The following GPC3 variants were observed in gnomAD, a reference collection of about 807,000 sequenced individuals.
The protein encoded by GPC3 is glypican-3.
GPC3 carries 3 observed loss-of-function variants against 34.4 expected under a neutral mutation model. That is an observed-to-expected ratio of 0.09 (90% CI 0.04 to 0.23). GPC3 has a LOEUF of 0.23. GPC3 is among the 10% of genes least tolerant of loss of function. GPC3 has a pLI of 1.00. For missense variants in GPC3, 351 were observed against 445.6 expected, an observed-to-expected ratio of 0.79 and a Z score of 1.91; for synonymous variants, 177 against 174.0, an observed-to-expected ratio of 1.02 and a Z score of -0.13.
chrX:133,672,282 C>T (rs1033830368), intron 5 of GPC3, among the ~76,000 whole-genome samples: 43 of 111,630 alleles, frequency 3.9e-4, no homozygotes, highest in African/African-American at 1.3e-3. Flanking sequence ...TAAATAAGCA[C>T]AGCAAAAGTG....
At chrX:133,567,026 CG>C (rs2069587346) in intron 7 of GPC3, among the ~76,000 whole-genome samples, 1 of 112,008 alleles carries the variant, frequency 8.9e-6, no homozygotes, top group Admixed American at 9.5e-5. Flanking sequence ...CAGGAATTGC[CG>C]TAAGAGTCAG....
At chrX:133,955,316 A>T (rs767769573) in intron 1 of GPC3, among the ~76,000 whole-genome samples, 18 of 110,805 alleles carry the variant, frequency 1.6e-4, no homozygotes, top group Admixed American at 9.6e-4. Context: ...AACTTTCTTA[A>T]AACGGCACTG....
intron 1 of GPC3, among the ~76,000 whole-genome samples, chrX:133,974,408 T>C (rs2076506464): frequency 8.9e-6 from 1 of 112,516 alleles, no homozygotes; most frequent in Non-Finnish European, 1.9e-5. Context: ...AATAGAAGTC[T>C]GATTCTTTGA....
chrX:133,574,792 T>C (rs2069663372), intron 7 of GPC3, among the ~76,000 whole-genome samples: 1 of 112,509 alleles, frequency 8.9e-6, no homozygotes, highest in Middle Eastern at 4.2e-3. Context: ...TTCTTATCTT[T>C]ACTGTCTTTG....
chrX:133,859,393 A>T (rs748344649), intron 2 of GPC3, among the ~76,000 whole-genome samples: 2 of 111,090 alleles, frequency 1.8e-5, no homozygotes, highest in East Asian at 5.7e-4. Context: ...TCCAGACTAA[A>T]ATTCCCAGGC....
At chrX:133,783,175 C>T (rs2072067096) in intron 2 of GPC3, among the ~76,000 whole-genome samples, 1 of 111,145 alleles carries the variant, frequency 9.0e-6, no homozygotes, top group Admixed American at 9.6e-5. Flanking sequence ...TACTACCTCC[C>T]CATCCCTGAT....
Position 133,661,064 on chromosome X carries a change from G to A in GPC3, c.1413+666C>T, listed in dbSNP as rs528055940. On this transcript the variant is annotated intron_variant, in intron 6 of 7. Transcript: ENST00000370818. ...CATGCCTATAGTACCAGCTACTCGG[G>A]AGGCTGAGACACGAGAATATCTTGA... Among the ~76,000 whole-genome samples, 41 of 110,725 alleles carry A rather than the reference G, an allele frequency of 3.7e-4. No individual in the cohort carries two copies. In the South Asian group the frequency reaches 0.016, roughly 43 times the overall value.
At chrX:133,686,405 T>A (rs1400906104) in intron 5 of GPC3, among the ~76,000 whole-genome samples, 1 of 112,031 alleles carries the variant, frequency 8.9e-6, no homozygotes, top group Admixed American at 9.5e-5. Flanking sequence ...AACTGATGAA[T>A]GGATAAACAA....
chrX:133,926,341 T>A (rs965827945), intron 2 of GPC3, among the ~76,000 whole-genome samples: 3 of 111,805 alleles, frequency 2.7e-5, no homozygotes, highest in East Asian at 5.6e-4. Flanking sequence ...ATAAACTTCA[T>A]TGGGTGGCTG....
At chrX:133,593,405 A>G (rs1475576141) in intron 7 of GPC3, among the ~76,000 whole-genome samples, 2 of 107,635 alleles carry the variant, frequency 1.9e-5, no homozygotes, top group East Asian at 5.8e-4. Context: ...GAAAACAGAA[A>G]CAAGAACAGT....
chrX:133,907,833 C>T (rs1255308298), intron 2 of GPC3, among the ~76,000 whole-genome samples: 1 of 110,784 alleles, frequency 9.0e-6, no homozygotes, highest in Admixed American at 9.6e-5. Context: ...ATTTTTAGGC[C>T]CTTGATAATA....
At chrX:133,942,023 G>A (rs904502883) in intron 2 of GPC3, among the ~76,000 whole-genome samples, 2 of 111,742 alleles carry the variant, frequency 1.8e-5, no homozygotes, top group Middle Eastern at 4.6e-3. Flanking sequence ...ATGATAAAAT[G>A]GCAAGGGGCA....
chrX:133,653,867 G>C (rs1390832807), intron 6 of GPC3, among the ~76,000 whole-genome samples: 1 of 111,684 alleles, frequency 9.0e-6, no homozygotes, highest in Non-Finnish European at 1.9e-5. Context: ...TTTGCATCAA[G>C]AGCCTTTGGA....
At chrX:133,597,325 C>G (rs1367728527) in intron 6 of GPC3, among the ~76,000 whole-genome samples, 4 of 111,548 alleles carry the variant, frequency 3.6e-5, no homozygotes, top group Non-Finnish European at 7.5e-5. Flanking sequence ...GACCCAGAGA[C>G]CCAGCACACC....
Position 133,622,233 on chromosome X carries a change from A to T in GPC3, c.1414-25634T>A, listed in dbSNP as rs370796798. Among the ~76,000 whole-genome samples the T allele has an allele frequency of 4.1e-3, 464 of 111,968 alleles. 1 individual carries two copies. The highest frequency in any genetic ancestry group is 0.014 in the African/African-American group (428 of 30,853). On this transcript the variant is annotated intron_variant, in intron 6 of 7. Transcript: ENST00000370818. The stretch of plus-strand genomic sequence containing the variant: ...GAGCAGAAAAGCTGAAAATTCTAAA[A>T]ATCGGAGCACCTCCTCTCCTCCAAA...
At chrX:133,963,089 G>A (rs972653509) in intron 1 of GPC3, among the ~76,000 whole-genome samples, 4 of 112,297 alleles carry the variant, frequency 3.6e-5, no homozygotes, top group Non-Finnish European at 5.6e-5. Flanking sequence ...ACTTGCTTTC[G>A]CCCTTTTAGG....
chrX:133,725,907 T>C lies in GPC3; in HGVS notation c.1033-25879A>G, dbSNP rs190012584. 8.6e-4 allele frequency among the ~76,000 whole-genome samples: 96 copies of C among 111,882 alleles called. No homozygotes were observed. The Admixed American group carries it at 8.8e-3, about 10-fold the overall frequency. On this transcript the variant is annotated intron_variant, in intron 3 of 7. Coordinates refer to ENST00000370818, the MANE Select transcript of GPC3 (RefSeq NM_004484.4). ...AGACAAGATGATGATTAGCTTCTTT[T>C]GTGTTGGCTTTCCTTTAGCAACTTT...
intron 4 of GPC3, among the ~76,000 whole-genome samples, chrX:133,695,189 C>T (rs1168921701): frequency 1.8e-5 from 2 of 111,249 alleles, no homozygotes; most frequent in Non-Finnish European, 3.8e-5. Context: ...ATGAATCCAT[C>T]GGATCTTGTG....
intron 7 of GPC3, chrX:133,596,222 C>T: frequency 2.3e-6 from 1 of 428,136 alleles, no homozygotes. Context: ...CAGGAAGTTA[C>T]CCTTTTAATC....
Sources: allele counts gnomAD v4.1 joint callset (sites outside exome capture counted in the v4.1 genomes callset), GRCh38; gene constraint gnomAD v4.1.1; transcripts MANE v1.5; gene names NCBI Gene and HGNC (gene_info 2026-07-23, HGNC 2026-07-21).